The following MUSK variants were observed in gnomAD, a reference collection of about 807,000 sequenced individuals.
MUSK encodes the protein muscle, skeletal receptor tyrosine-protein kinase.
In MUSK, 55 loss-of-function variants were observed where a neutral mutation model predicts 88.7. That is an observed-to-expected ratio of 0.62 (90% CI 0.50 to 0.78). The LOEUF (loss-of-function observed/expected upper bound fraction) is 0.78. Ranked by LOEUF, MUSK falls within the 30% of genes least tolerant of loss-of-function variation. The pLI, the probability that MUSK is intolerant of heterozygous loss-of-function variation, is 0.00. For synonymous variants in MUSK, 387 were observed against 391.9 expected (o/e 0.99, Z 0.15); for missense variants, 1,015 against 1,074.3 (o/e 0.94, Z 0.77).
chr9:110,762,268 GTTTGTT>G (rs1465506533), intron 8 of MUSK, 60 bp downstream of exon 8: 1 of 1,305,868 alleles, frequency 7.7e-7, no homozygotes, highest in African/African-American at 1.5e-5. Context: ...GATTTCGTTT[GTTTGTT>G]TTTGTCTGTG....
intron 1 of MUSK, among the ~76,000 whole-genome samples, chr9:110,676,973 C>T (rs1029773022): frequency 1.3e-5 from 2 of 152,178 alleles, no homozygotes; most frequent in African/African-American, 4.8e-5. Flanking sequence ...GAAAAACCTA[C>T]CTCTCTGCAT....
At position 110,755,951 on chromosome 9, in the gene MUSK, C is replaced by CGTATATATATATATATATATATAT. The variant is rs1269355799; in HGVS notation, c.914-6251_914-6250insGTATATATATATATATATATATAT. On this transcript the variant is annotated intron_variant, in intron 7 of 14. Transcript: ENST00000374448. ...ATATATACATATATATATATATATA[C>CGTATATATATATATATATATATAT]ACATATATATATACATATATATATA... Among the ~76,000 whole-genome samples the CGTATATATATATATATATATATAT allele has an allele frequency of 4.3e-3, 442 of 101,786 alleles. 15 individuals are homozygous for CGTATATATATATATATATATATAT. Among genetic ancestry groups the CGTATATATATATATATATATATAT allele is most frequent in the African/African-American group, 0.018 (433 of 23,562 alleles). The allele number at this position is 101,786 out of a possible 152,430, so 66.8% of individuals were successfully genotyped here.
chr9:110,783,661 G>A (rs1588036022), intron 11 of MUSK, among the ~76,000 whole-genome samples: 3 of 151,738 alleles, frequency 2.0e-5, no homozygotes, highest in Admixed American at 6.6e-5. Flanking sequence ...TTTGTGTTAC[G>A]TGTATTCTAA....
Position 110,701,681 on chromosome 9 carries a change from T to C in MUSK, c.628+4215T>C, listed in dbSNP as rs1303064772. ...ATTTTATTTATTTTATTTTATTTTT[T>C]TTACTTTACTTTATTTTATTTTATT... On this transcript the variant is annotated intron_variant, in intron 5 of 14. Coordinates refer to ENST00000374448, the MANE Select transcript of MUSK (RefSeq NM_005592.4). 1.8e-3 allele frequency among the ~76,000 whole-genome samples: 13 copies of C among 7,108 alleles called. 6 individuals carry two copies. The highest frequency in any genetic ancestry group is 3.6e-3 in the African/African-American group (2 of 548). 4.7% of individuals were successfully genotyped at this position (7,108 alleles called of 152,430 possible). A position where few individuals can be genotyped will look rare whatever the true frequency, so the allele number is the denominator to read the frequency against.
At chr9:110,721,148 A>C (rs1261586773) in intron 5 of MUSK, among the ~76,000 whole-genome samples, 1 of 152,148 alleles carries the variant, frequency 6.6e-6, no homozygotes, top group African/African-American at 2.4e-5. Flanking sequence ...GAATGGGGAA[A>C]AGCTGAAAGT....
chr9:110,675,255 A>T (rs1447960026), intron 1 of MUSK, among the ~76,000 whole-genome samples: 1 of 115,618 alleles, frequency 8.6e-6, no homozygotes, highest in Non-Finnish European at 1.6e-5. Flanking sequence ...AGAGTCTTGC[A>T]CTGTCGCCCA....
In MUSK at chr9:110,708,182, T is replaced by C. The variant is rs142613699; in HGVS notation, c.628+10716T>C. On this transcript the variant is annotated intron_variant, in intron 5 of 14. Coordinates refer to ENST00000374448, the MANE Select transcript of MUSK (RefSeq NM_005592.4). ...TGTCAATAGACATAACTATAAAAGA[T>C]CAGCATTGTCTTCAAAATTTTAGAC... Among the ~76,000 whole-genome samples, 320 of 152,188 alleles carry C rather than the reference T, an allele frequency of 2.1e-3. 1 individual carries two copies. The highest frequency in any genetic ancestry group is 7.5e-3 in the African/African-American group (310 of 41,524).
At chr9:110,773,412 T>G (rs1419900626) in intron 9 of MUSK, among the ~76,000 whole-genome samples, 1 of 152,170 alleles carries the variant, frequency 6.6e-6, no homozygotes, top group Non-Finnish European at 1.5e-5. Flanking sequence ...ATATTTTATT[T>G]GCATATGCTC....
Position 110,800,745 on chromosome 9 carries a change from C to T in MUSK, c.2367C>T (p.Gly789=), listed in dbSNP as rs368883203. The part of the protein sequence containing the change: ...YTTESDVWAY[G]VVLWEIFSYG... Reference sequence around the variant, plus strand: ...CAGAGTCTGATGTGTGGGCCTATGGCGTGGTCCTCTGGGAGATCTTCTCCT... The same window carrying T: ...CAGAGTCTGATGTGTGGGCCTATGGTGTGGTCCTCTGGGAGATCTTCTCCT... Residue 789 remains glycine, a synonymous_variant, in exon 15 of 15, where the codon GGC becomes GGT. Coordinates refer to ENST00000374448, the MANE Select transcript of MUSK (RefSeq NM_005592.4). 17 of 1,613,988 alleles carry T rather than the reference C, an allele frequency of 1.1e-5. No homozygotes were observed. Among genetic ancestry groups the T allele is most frequent in the African/African-American group, 2.7e-5 (2 of 75,036 alleles).
At chr9:110,771,962 T>G (rs1160111427) in intron 9 of MUSK, among the ~76,000 whole-genome samples, 1 of 152,070 alleles carries the variant, frequency 6.6e-6, no homozygotes, top group African/African-American at 2.4e-5. Context: ...GTTAACGAGT[T>G]GTTACTACTA....
At chr9:110,780,652 G>A (rs1332354333) in intron 11 of MUSK, among the ~76,000 whole-genome samples, 1 of 152,118 alleles carries the variant, frequency 6.6e-6, no homozygotes, top group African/African-American at 2.4e-5. Flanking sequence ...ACATTTCTTT[G>A]GGTGGTTTAT....
In MUSK at chr9:110,800,171, A is replaced by G. The variant is rs563341676; in HGVS notation, c.1928-135A>G. ...TTGTGATTAAAAGGATACAAATATT[A>G]AAAAACAAACATACGACAACAACAA... On this transcript the variant is annotated intron_variant, in intron 14 of 14. Transcript: ENST00000374448. 1.9e-5 allele frequency: 15 copies of G among 799,660 alleles called. No homozygotes were observed. In the African/African-American group the frequency reaches 2.6e-4, roughly 14 times the overall value. The allele number at this position is 799,660 out of a possible 1,614,324, so 49.5% of individuals were successfully genotyped here.
intron 14 of MUSK, among the ~76,000 whole-genome samples, chr9:110,797,775 C>T (rs2078033322): frequency 6.6e-6 from 1 of 152,172 alleles, no homozygotes; most frequent in South Asian, 2.1e-4. Context: ...TTTACTTTCT[C>T]AAATAGTATA....
At chr9:110,772,482 A>G (rs1390817211) in intron 9 of MUSK, among the ~76,000 whole-genome samples, 1 of 151,878 alleles carries the variant, frequency 6.6e-6, no homozygotes, top group Non-Finnish European at 1.5e-5. Context: ...CCTCATCATC[A>G]AATATTTTGT....
At chr9:110,694,888 T>C (rs1319306746) in intron 3 of MUSK, among the ~76,000 whole-genome samples, 1 of 152,096 alleles carries the variant, frequency 6.6e-6, no homozygotes, top group Admixed American at 6.6e-5. Context: ...GTTAATATAA[T>C]AATATCTGGT....
intron 5 of MUSK, among the ~76,000 whole-genome samples, chr9:110,717,987 G>T (rs1252961893): frequency 2.0e-5 from 3 of 152,092 alleles, no homozygotes; most frequent in Non-Finnish European, 4.4e-5. Context: ...TATAACTCAG[G>T]AAGTACAGAG....
At chr9:110,762,694 C>CTATA (rs1367869527) in intron 8 of MUSK, among the ~76,000 whole-genome samples, 4 of 152,110 alleles carry the variant, frequency 2.6e-5, no homozygotes, top group Non-Finnish European at 5.9e-5. Flanking sequence ...TAGCTCTAAC[C>CTATA]TATATATAAG....
chr9:110,779,099 G>T (rs1267687737), intron 11 of MUSK, among the ~76,000 whole-genome samples: 1 of 151,110 alleles, frequency 6.6e-6, no homozygotes, highest in East Asian at 1.9e-4. Context: ...TAAAACTCAT[G>T]AATTATTTCA....
intron 9 of MUSK, among the ~76,000 whole-genome samples, chr9:110,773,790 C>G (rs2077619474): frequency 6.6e-6 from 1 of 152,084 alleles, no homozygotes; most frequent in Non-Finnish European, 1.5e-5. Context: ...TATTTTCTGG[C>G]CATGTTGTAA....
Sources: allele counts gnomAD v4.1 joint callset (sites outside exome capture counted in the v4.1 genomes callset), GRCh38; gene constraint gnomAD v4.1.1; transcripts MANE v1.5; gene names NCBI Gene and HGNC (gene_info 2026-07-23, HGNC 2026-07-21).